IGSF10: variants seen among roughly 807,000 people sequenced by gnomAD.
The protein encoded by IGSF10 is immunoglobulin superfamily member 10, also known as calvaria mechanical force protein 608.
IGSF10 carries 126 observed loss-of-function variants against 128.2 expected under a neutral mutation model. That is an observed-to-expected ratio of 0.98 (90% CI 0.85 to 1.14). IGSF10 has a LOEUF of 1.14. Ranked by LOEUF, IGSF10 falls within the 50% of genes most tolerant of loss-of-function variation. IGSF10 has a pLI of 0.00. For missense variants in IGSF10, 3,295 were observed against 3,149.8 expected, an observed-to-expected ratio of 1.05 and a Z score of -1.10; for synonymous variants, 1,185 against 1,146.2, an observed-to-expected ratio of 1.03 and a Z score of -0.68.
chr3:151,486,603 C>G, the IGSF10 span, among the ~76,000 whole-genome samples: 1 of 152,110 alleles, frequency 6.6e-6, no homozygotes, highest in Non-Finnish European at 1.5e-5. Flanking sequence ...GAACGGATAT[C>G]ATAACCGTCT....
Position 151,443,341 on chromosome 3 carries a change from G to C in IGSF10, c.5606C>G (p.Thr1869Ser), listed in dbSNP as rs768861787. 6.2e-7 allele frequency: 1 copy of C among 1,614,240 alleles called. No homozygotes were observed. Among genetic ancestry groups the C allele is most frequent in the Non-Finnish European group, 8.5e-7 (1 of 1,180,038 alleles). Reference sequence around the variant, plus strand: ...GACCCAGTAAACGCTGGGCTGAGGAGTTCCTTTTGCAGTACAGGGCAGTTT... The same window carrying C: ...GACCCAGTAAACGCTGGGCTGAGGACTTCCTTTTGCAGTACAGGGCAGTTT... ...SLKLPCTAKGTPQPSVYWVLS... is the reference protein window; with the variant it reads ...SLKLPCTAKGSPQPSVYWVLS... The change falls in exon 7 of 8, where the codon ACT becomes AGT. Residue 1869 changes from threonine to serine, a missense_variant. Coordinates refer to ENST00000282466, the MANE Select transcript of IGSF10 (RefSeq NM_178822.5).
chr3:151,457,133 T>C lies in IGSF10; in HGVS notation c.217A>G (p.Met73Val), dbSNP rs779362268. 24 of 1,614,056 alleles carry C rather than the reference T, an allele frequency of 1.5e-5. No homozygotes were observed. The highest frequency in any genetic ancestry group is 1.9e-5 in the Non-Finnish European group (23 of 1,180,002). ...GTCAGGCCAGAAAAATCTGTTTCCA[T>C]CAATCTAACCAAGCTGTTGTATCTG... is the stretch of plus-strand genomic sequence containing the variant. ...NLGYNSLVRL[M>V]ETDFSGLTKL... Residue 73 changes from methionine (M) to valine (V), a missense_variant, in exon 4 of 8, where the codon ATG becomes GTG. Met to Val is a conservative substitution (Grantham distance 21, BLOSUM62 1). Transcript: ENST00000282466.
the IGSF10 span, among the ~76,000 whole-genome samples, chr3:151,492,114 A>T: frequency 5.3e-5 from 8 of 152,218 alleles, no homozygotes; most frequent in African/African-American, 1.7e-4. Context: ...CATATATGAT[A>T]AAGAGTTAAT....
the IGSF10 span, among the ~76,000 whole-genome samples, chr3:151,614,075 C>T: frequency 6.6e-6 from 1 of 152,184 alleles, no homozygotes; most frequent in Non-Finnish European, 1.5e-5. Flanking sequence ...AAAAAATGCT[C>T]ATCATCACTG....
At chr3:151,432,804 A>G (rs1719685312), downstream of IGSF10, 1 of 1,612,282 alleles carries the variant, frequency 6.2e-7, no homozygotes, top group African/African-American at 1.3e-5. Flanking sequence ...CACACTTCTG[A>G]ATCTGCAAGA....
At chr3:151,454,019 CTTTT>C (rs142736294) in intron 4 of IGSF10, among the ~76,000 whole-genome samples, 22 of 126,642 alleles carry the variant, frequency 1.7e-4, no homozygotes, top group Middle Eastern at 3.8e-3. Flanking sequence ...TTTTCTTTTT[CTTTT>C]TTTTTTTTTT....
chr3:151,585,675 T>C, the IGSF10 span, among the ~76,000 whole-genome samples: 1 of 152,152 alleles, frequency 6.6e-6, no homozygotes, highest in South Asian at 2.1e-4. Context: ...GTTGATGAAT[T>C]CCCTCAGTTT....
intron 7 of IGSF10, 137 bp downstream of exon 7, chr3:151,442,845 TGA>T (rs1470472528): frequency 5.7e-5 from 34 of 599,392 alleles, no homozygotes; most frequent in Middle Eastern, 4.9e-4. Context: ...TAGTTTTTTT[TGA>T]GAGAGTTTCC....
the IGSF10 span, among the ~76,000 whole-genome samples, chr3:151,509,969 G>A: frequency 1.3e-5 from 2 of 152,234 alleles, no homozygotes; most frequent in African/African-American, 4.8e-5. Context: ...GGTAAACGAA[G>A]TGGCCAGGAA....
chr3:151,447,240 T>G lies in IGSF10; in HGVS notation c.2741A>C (p.Glu914Ala). ...QDSDQMGRGR[E>A]HFQSRPPITV... ...TATTGGGGGTCTACTTTGGAAATGC[T>G]CTCTTCCTCTTCCCATCTGGTCAGA... Residue 914 changes from glutamate to alanine, a missense_variant, in exon 6 of 8, where the codon GAG (glutamate) becomes GCG (alanine). Physicochemically the swap from Glu to Ala is moderately radical, Grantham distance 107. Coordinates refer to ENST00000282466, the MANE Select transcript of IGSF10 (RefSeq NM_178822.5). The G allele has an allele frequency of 1.9e-6, 3 of 1,614,250 alleles. No homozygotes were observed. The highest frequency in any genetic ancestry group is 2.5e-6 in the Non-Finnish European group (3 of 1,180,048).
At chr3:151,462,690 G>A (rs774784732), upstream of IGSF10, among the ~76,000 whole-genome samples, 15 of 152,164 alleles carry the variant, frequency 9.9e-5, no homozygotes, top group South Asian at 4.1e-4. Flanking sequence ...CATGGATAAT[G>A]TGCCATATCC....
At position 151,445,021 on chromosome 3, in the gene IGSF10, T is replaced by C; in HGVS notation, c.4960A>G (p.Lys1654Glu). ...GCTGGAATAGTAAAACTTGCAGCTT[T>C]TCCTCCAACTATCCTGGGCTTTTCA... ...IFEKPRIVGG[K>E]AASFTIPANS... The change falls in exon 6 of 8, where the codon AAA becomes GAA. Residue 1654 changes from lysine (K) to glutamate (E), a missense_variant. By Grantham distance (56) the Lys-to-Glu change is moderately conservative (BLOSUM62 1). Transcript: ENST00000282466. The C allele has an allele frequency of 6.2e-7, 1 of 1,614,236 alleles. No homozygotes were observed. The highest frequency in any genetic ancestry group is 8.5e-7 in the Non-Finnish European group (1 of 1,180,026).
chr3:151,476,238 C>T, the IGSF10 span: 3 of 152,186 alleles, frequency 2.0e-5, no homozygotes, highest in Non-Finnish European at 4.4e-5. Flanking sequence ...TAAACTGCCT[C>T]TAAGACATAC....
chr3:151,554,195 A>G, the IGSF10 span, among the ~76,000 whole-genome samples: 1 of 151,806 alleles, frequency 6.6e-6, no homozygotes, highest in Non-Finnish European at 1.5e-5. Context: ...TTAGACATGA[A>G]CTTCTTCTTC....
At chr3:151,452,373 T>C (rs9289838) in intron 5 of IGSF10, among the ~76,000 whole-genome samples, 120,619 of 152,134 alleles carry the variant, frequency 0.79, 48,228 homozygotes, top group Middle Eastern at 0.96. Flanking sequence ...ACCCATACAG[T>C]GTATTACTCT....
At chr3:151,614,106 C>G in the IGSF10 span, among the ~76,000 whole-genome samples, 1 of 152,170 alleles carries the variant, frequency 6.6e-6, no homozygotes, top group Non-Finnish European at 1.5e-5. Flanking sequence ...AAATGCAAAT[C>G]AAAACCACAA....
Position 151,448,599 on chromosome 3 carries a change from G to A in IGSF10, c.1382C>T (p.Pro461Leu), listed in dbSNP as rs73010405. 1,595 of 1,613,978 alleles carry A rather than the reference G, an allele frequency of 9.9e-4. 17 individuals carry two copies. In the African/African-American group the frequency reaches 0.02, roughly 20 times the overall value. ...TTTCACTGGCCTCATCTCTGCTCTT[G>A]GTAAAGTGATTTGAGCATCACTGGA... ...QYSSDAQITL[P>L]RAEMRPVKHK... Residue 461 changes from proline to leucine, a missense_variant, in exon 6 of 8, where the codon CCA (proline) becomes CTA (leucine). Coordinates refer to ENST00000282466, the MANE Select transcript of IGSF10 (RefSeq NM_178822.5).
the IGSF10 span, among the ~76,000 whole-genome samples, chr3:151,546,205 T>G: frequency 6.6e-6 from 1 of 151,858 alleles, no homozygotes; most frequent in East Asian, 1.9e-4. Context: ...TTGGCAAGGC[T>G]CAGGGGGTGA....
the IGSF10 span, among the ~76,000 whole-genome samples, chr3:151,470,537 G>A: frequency 1.6e-4 from 24 of 152,298 alleles, no homozygotes; most frequent in African/African-American, 5.3e-4. Flanking sequence ...ACAGTCATGA[G>A]CAGGCTGTTG....
Sources: allele counts gnomAD v4.1 joint callset (sites outside exome capture counted in the v4.1 genomes callset), GRCh38; gene constraint gnomAD v4.1.1; transcripts MANE v1.5; gene names NCBI Gene and HGNC (gene_info 2026-07-23, HGNC 2026-07-21).